The following TMEM232 variants were observed in gnomAD, a reference collection of about 807,000 sequenced individuals.
The protein encoded by TMEM232 is transmembrane protein 232.
Under a neutral mutation model 78.8 loss-of-function variants are expected in TMEM232, and 80 were observed. The observed-to-expected ratio is 1.01, with a 90% CI of 0.85 to 1.22. TMEM232 has a LOEUF of 1.22. Ranked by LOEUF, TMEM232 falls within the 50% of genes most tolerant of loss-of-function variation. The pLI, the probability that TMEM232 is intolerant of heterozygous loss-of-function variation, is 0.00. For synonymous variants in TMEM232, 297 were observed against 254.3 expected, an observed-to-expected ratio of 1.17 and a Z score of -1.60; for missense variants, 881 against 742.2, an observed-to-expected ratio of 1.19 and a Z score of -2.17.
intron 10 of TMEM232, among the ~76,000 whole-genome samples, chr5:110,596,652 A>T (rs1561353107): frequency 6.6e-6 from 1 of 152,182 alleles, no homozygotes; most frequent in Non-Finnish European, 1.5e-5. Flanking sequence ...AGCACATCAA[A>T]AAGCTTATCC....
chr5:110,439,869 T>C (rs1758839982), intron 12 of TMEM232, among the ~76,000 whole-genome samples: 1 of 152,132 alleles, frequency 6.6e-6, no homozygotes, highest in Admixed American at 6.5e-5. Flanking sequence ...TACAGAATCA[T>C]TGTCTACTGC....
chr5:110,484,020 G>A (rs1764198090), intron 12 of TMEM232, among the ~76,000 whole-genome samples: 1 of 152,184 alleles, frequency 6.6e-6, no homozygotes, highest in African/African-American at 2.4e-5. Flanking sequence ...CAACATGGAT[G>A]CAGCTGGAGG....
intron 12 of TMEM232, among the ~76,000 whole-genome samples, chr5:110,520,050 T>TATATATATATAGAGAGAG (rs374219408): frequency 6.8e-6 from 1 of 147,230 alleles, no homozygotes; most frequent in African/African-American, 2.5e-5. Context: ...TATATATATA[T>TATATATATATAGAGAGAG]AGAGAGAGAG....
intron 11 of TMEM232, among the ~76,000 whole-genome samples, chr5:110,560,253 C>G (rs559120330): frequency 8.5e-5 from 13 of 152,084 alleles, no homozygotes; most frequent in Admixed American, 7.2e-4. Context: ...TCTTCCATAC[C>G]CAATACTAGA....
intron 12 of TMEM232, among the ~76,000 whole-genome samples, chr5:110,514,374 ATTT>A (rs35330024): frequency 0.044 from 6,672 of 151,692 alleles, 474 homozygotes; most frequent in African/African-American, 0.15. Flanking sequence ...TCCACTTATT[ATTT>A]ATCACAATCT....
intron 3 of TMEM232, among the ~76,000 whole-genome samples, chr5:110,395,811 C>A (rs1755363370): frequency 6.6e-6 from 1 of 152,148 alleles, no homozygotes; most frequent in African/African-American, 2.4e-5. Flanking sequence ...GTCTGTGCAA[C>A]TTCCGCAAAT....
intron 11 of TMEM232, among the ~76,000 whole-genome samples, chr5:110,565,498 C>T (rs141175545): frequency 2.2e-4 from 34 of 152,052 alleles, no homozygotes; most frequent in Non-Finnish European, 3.1e-4. Context: ...CACTTACTAT[C>T]GCTGTCTGTG....
chr5:110,610,506 G>GA (rs1232952589), intron 8 of TMEM232: 2 of 455,476 alleles, frequency 4.4e-6, no homozygotes, highest in Admixed American at 4.7e-5. Context: ...ACAAGACCTT[G>GA]AAAAAATGTA....
At chr5:110,395,562 G>A (rs75194384) in intron 3 of TMEM232, among the ~76,000 whole-genome samples, 151 of 152,230 alleles carry the variant, frequency 9.9e-4, no homozygotes, top group African/African-American at 3.4e-3. Context: ...TCAGTTCTCT[G>A]CTGGGTCCAA....
chr5:110,524,766 G>A, intron 12 of TMEM232, among the ~76,000 whole-genome samples: 2 of 152,016 alleles, frequency 1.3e-5, no homozygotes, highest in South Asian at 4.2e-4. Context: ...CTATTATTTT[G>A]TATTGCCGTC....
At chr5:110,527,149 T>G (rs1770722735) in intron 12 of TMEM232, among the ~76,000 whole-genome samples, 1 of 151,850 alleles carries the variant, frequency 6.6e-6, no homozygotes, top group Admixed American at 6.6e-5. Flanking sequence ...AAAGTTAACT[T>G]TCTAACTTTA....
rs189928916 is a variant in TMEM232 at position 110,481,760 on chromosome 5, G to A, written c.1703+46828C>T. Among the ~76,000 whole-genome samples, 41 of 152,238 alleles carry A rather than the reference G, an allele frequency of 2.7e-4. No individual in the cohort carries two copies. In the South Asian group the frequency reaches 3.9e-3, roughly 15 times the overall value. On this transcript the variant is annotated intron_variant, in intron 12 of 13. Coordinates refer to ENST00000455884, the MANE Select transcript of TMEM232 (RefSeq NM_001039763.4). ...TTTGAAGCAAACATTTGGGTGACTC[G>A]TTGGTCTTTTACATCCAGGTTCTTC...
downstream of TMEM232, among the ~76,000 whole-genome samples, chr5:110,418,741 C>T (rs1756376351): frequency 1.3e-5 from 2 of 151,998 alleles, no homozygotes; most frequent in Admixed American, 1.3e-4. Flanking sequence ...AAACATAAAC[C>T]TAAGTCTGCA....
In TMEM232 at chr5:110,555,174, C is replaced by T. The variant is rs1302220939; in HGVS notation, c.1455+13273G>A. Among the ~76,000 whole-genome samples the T allele has an allele frequency of 2.6e-5, 4 of 152,102 alleles. No homozygotes were observed. The South Asian group carries it at 6.2e-4, about 24-fold the overall frequency. On this transcript the variant is annotated intron_variant, in intron 11 of 13. Coordinates refer to ENST00000455884, the MANE Select transcript of TMEM232 (RefSeq NM_001039763.4). ...AGTGCTATAAACTTTCCTGTTAACA[C>T]TGCTTTAGCTATGTTCTAGAGATTC...
intron 3 of TMEM232, among the ~76,000 whole-genome samples, chr5:110,396,743 A>G (rs927357995): frequency 1.3e-5 from 2 of 152,210 alleles, no homozygotes; most frequent in Non-Finnish European, 1.5e-5. Context: ...GATGATTTCT[A>G]AGTACCTCCT....
At chr5:110,553,107 G>C (rs544592149) in intron 11 of TMEM232, among the ~76,000 whole-genome samples, 147 of 152,190 alleles carry the variant, frequency 9.7e-4, no homozygotes, top group African/African-American at 3.3e-3. Flanking sequence ...GTCTGTTTTT[G>C]TACCAGTACC....
At chr5:110,569,055 G>T (rs1488595) in intron 10 of TMEM232, among the ~76,000 whole-genome samples, 9,985 of 151,742 alleles carry the variant, frequency 0.066, 1,016 homozygotes, top group African/African-American at 0.21. Flanking sequence ...TATGAAACAT[G>T]GTATTTGAAC....
chr5:110,587,546 C>T (rs1428131534), intron 10 of TMEM232, among the ~76,000 whole-genome samples: 5 of 151,598 alleles, frequency 3.3e-5, no homozygotes, highest in Non-Finnish European at 7.4e-5. Flanking sequence ...GTTGCCAACA[C>T]ACCAGCCATA....
chr5:110,501,516 G>C lies in TMEM232; in HGVS notation c.1703+27072C>G, dbSNP rs533259953. 2.0e-5 allele frequency among the ~76,000 whole-genome samples: 3 copies of C among 152,168 alleles called. No homozygotes were observed. In the East Asian group the frequency reaches 5.8e-4, roughly 29 times the overall value. On this transcript the variant is annotated intron_variant, in intron 12 of 13. Coordinates refer to ENST00000455884, the MANE Select transcript of TMEM232 (RefSeq NM_001039763.4). The stretch of plus-strand genomic sequence containing the variant: ...ACAAAGTTACAGGATAACTTTTCAG[G>C]AGACAAATTTATTGCACTCAAGTGT...
Sources: allele counts gnomAD v4.1 joint callset (sites outside exome capture counted in the v4.1 genomes callset), GRCh38; gene constraint gnomAD v4.1.1; transcripts MANE v1.5; gene names NCBI Gene and HGNC (gene_info 2026-07-23, HGNC 2026-07-21).